The following THADA variants were observed in gnomAD, a reference collection of about 807,000 sequenced individuals.
THADA encodes the protein THADA armadillo repeat containing, also known as tRNA (32-2'-O)-methyltransferase regulator THADA.
THADA carries 213 observed loss-of-function variants against 219.8 expected under a neutral mutation model. That is an observed-to-expected ratio of 0.97 (90% confidence interval 0.87 to 1.09). THADA has a LOEUF of 1.09. Among genes scored for constraint, THADA ranks in the 50% least tolerant of loss-of-function variants. The pLI, the probability that THADA is intolerant of heterozygous loss-of-function variation, is 0.00. For missense variants in THADA, 2,956 were observed against 2,311.3 expected (o/e 1.28, Z -5.72); for synonymous variants, 1,018 against 828.9 (o/e 1.23, Z -3.92).
In THADA at chr2:43,568,977, T is replaced by C. The variant is rs891259548; in HGVS notation, c.2187+1411A>G. Among the ~76,000 whole-genome samples, 3 of 152,162 alleles carry C rather than the reference T, an allele frequency of 2.0e-5. No individual in the cohort carries two copies. The South Asian group carries it at 6.2e-4, about 32-fold the overall frequency. On this transcript the variant is annotated intron_variant, in intron 14 of 37. Transcript: ENST00000405975. The stretch of plus-strand genomic sequence containing the variant: ...AGTCACTTTTAAAATTTTTATTTAT[T>C]AATTTTTTTGAAGCAGGGTCTCGCT...
chr2:43,372,397 A>C (rs576526567), intron 29 of THADA, among the ~76,000 whole-genome samples: 2 of 152,334 alleles, frequency 1.3e-5, no homozygotes, highest in South Asian at 4.1e-4. Context: ...GAATTACACA[A>C]ATAAAACAAA....
chr2:43,344,372 T>A, intron 29 of THADA, 135 bp from the exon 30 acceptor site: 2 of 608,552 alleles, frequency 3.3e-6, no homozygotes, highest in Non-Finnish European at 5.6e-6. Context: ...TCTGGTCTCT[T>A]TGCAGAAAGG....
At chr2:43,247,427 A>G (rs1669265165) in intron 36 of THADA, among the ~76,000 whole-genome samples, 1 of 152,216 alleles carries the variant, frequency 6.6e-6, no homozygotes, top group South Asian at 2.1e-4. Flanking sequence ...AAATTGTTGA[A>G]TAAAAATAAA....
chr2:43,509,633 G>A (rs1313732070), intron 22 of THADA, among the ~76,000 whole-genome samples: 2 of 152,078 alleles, frequency 1.3e-5, no homozygotes, highest in East Asian at 3.8e-4. Context: ...GATCTCTTAG[G>A]AACATTGGGA....
intron 20 of THADA, among the ~76,000 whole-genome samples, chr2:43,548,571 G>A (rs561959957): frequency 5.9e-5 from 9 of 152,332 alleles, no homozygotes; most frequent in South Asian, 4.1e-4. Flanking sequence ...CCTGGGCAAC[G>A]GTGGGCGCCC....
intron 36 of THADA, among the ~76,000 whole-genome samples, chr2:43,245,327 C>A (rs1254597930): frequency 6.6e-6 from 1 of 151,942 alleles, no homozygotes; most frequent in Non-Finnish European, 1.5e-5. Flanking sequence ...CACATACCAC[C>A]ACGCCTGGCT....
intron 36 of THADA, among the ~76,000 whole-genome samples, chr2:43,246,269 C>T (rs373307445): frequency 1.3e-5 from 2 of 151,934 alleles, no homozygotes; most frequent in East Asian, 1.9e-4. Context: ...CTGAGGCAGG[C>T]GGATCACTTG....
Position 43,581,935 on chromosome 2 carries a change from A to C in THADA, c.534-7T>G, listed in dbSNP as rs1212851545. On this transcript the variant is annotated splice_region_variant and splice_polypyrimidine_tract_variant and intron_variant, in intron 7 of 37. Coordinates refer to ENST00000405975, the MANE Select transcript of THADA (RefSeq NM_022065.5). Reference sequence around the variant, plus strand: ...ATGATTTCCAGCACATTTTCTATAAAGAAGAAAAGACATTATTACAAAAGG... The same window carrying C: ...ATGATTTCCAGCACATTTTCTATAACGAAGAAAAGACATTATTACAAAAGG... 1 of 1,522,750 alleles carries C rather than the reference A, an allele frequency of 6.6e-7. No individual in the cohort carries two copies. The highest frequency in any genetic ancestry group is 2.4e-5 in the East Asian group (1 of 42,022). 94.3% of individuals were successfully genotyped at this position (1,522,750 alleles called of 1,614,324 possible).
chr2:43,592,069 A>G (rs545156132), intron 2 of THADA, 23 bp from the exon 3 acceptor site: 1 of 1,507,842 alleles, frequency 6.6e-7, no homozygotes, highest in Non-Finnish European at 8.9e-7. Context: ...TACAAAAAAA[A>G]ATTTTCAATG....
chr2:43,560,119 G>T, intron 16 of THADA, 115 bp downstream of exon 16: 1 of 864,882 alleles, frequency 1.2e-6, no homozygotes, highest in Non-Finnish European at 1.7e-6. Context: ...GAAAGAAACA[G>T]TCCAAAAACA....
intron 26 of THADA, among the ~76,000 whole-genome samples, chr2:43,435,476 G>A (rs1458783377): frequency 6.6e-6 from 1 of 151,148 alleles, no homozygotes; most frequent in Non-Finnish European, 1.5e-5. Flanking sequence ...AAGGAAGGGA[G>A]GGAGGGAAGG....
intron 21 of THADA, among the ~76,000 whole-genome samples, chr2:43,536,195 CGT>C (rs1694580393): frequency 6.6e-6 from 1 of 152,126 alleles, no homozygotes; most frequent in African/African-American, 2.4e-5. Context: ...TTCCCAGCAC[CGT>C]TTATTGGACA....
In THADA at chr2:43,541,208, G is replaced by A; in HGVS notation, c.3215C>T (p.Pro1072Leu). Residue 1072 changes from proline to leucine, a missense_variant, in exon 21 of 38, where the codon CCC (proline) becomes CTC (leucine). Coordinates refer to ENST00000405975, the MANE Select transcript of THADA (RefSeq NM_022065.5). ...AGAAGATTCTGGCACAGGCTGCATGGGCAGAAGCTGGCACAACATGCCTAA... is the reference window on the plus strand; with the variant it reads ...AGAAGATTCTGGCACAGGCTGCATGAGCAGAAGCTGGCACAACATGCCTAA... ...LLLGMLCQLL[P>L]MQPVPESSDG... 1.2e-6 allele frequency: 2 copies of A among 1,609,156 alleles called. No homozygotes were observed. The highest frequency in any genetic ancestry group is 1.7e-6 in the Non-Finnish European group (2 of 1,178,186).
rs371749204 is a variant in THADA at position 43,232,686 on chromosome 2, C to T, written c.5466+27G>A. ...GGTTTAGGACACTCCAACCCTGCCT[C>T]CTACTCCCCTGACACCCCGGGATCA... On this transcript the variant is annotated intron_variant, in intron 37 of 37. Transcript: ENST00000405975. The T allele has an allele frequency of 5.0e-6, 8 of 1,611,826 alleles. No individual in the cohort carries two copies. In the African/African-American group the frequency reaches 5.3e-5, roughly 11 times the overall value.
chr2:43,463,760 A>G (rs1683913383), intron 26 of THADA, among the ~76,000 whole-genome samples: 2 of 152,210 alleles, frequency 1.3e-5, no homozygotes, highest in African/African-American at 4.8e-5. Flanking sequence ...ATTCTTTTGA[A>G]TTACTAAAAG....
intron 28 of THADA, among the ~76,000 whole-genome samples, chr2:43,424,807 C>A (rs1573577230): frequency 6.6e-6 from 1 of 152,206 alleles, no homozygotes; most frequent in South Asian, 2.1e-4. Flanking sequence ...CAGGCTTCTA[C>A]TGTATCTGGC....
At chr2:43,320,609 A>C in intron 30 of THADA, 69 bp from the exon 31 acceptor site, 1 of 1,147,330 alleles carries the variant, frequency 8.7e-7, no homozygotes, top group Admixed American at 2.0e-5. Context: ...CAGGAAGGAG[A>C]ACATGGGTAT....
At chr2:43,528,885 CT>C (rs745419679) in intron 21 of THADA, among the ~76,000 whole-genome samples, 3 of 152,006 alleles carry the variant, frequency 2.0e-5, no homozygotes, top group Non-Finnish European at 4.4e-5. Context: ...TACATTCATA[CT>C]TTTGTACAAC....
At chr2:43,362,297 G>C (rs894152873) in intron 29 of THADA, among the ~76,000 whole-genome samples, 2 of 152,102 alleles carry the variant, frequency 1.3e-5, no homozygotes, top group Non-Finnish European at 2.9e-5. Flanking sequence ...TGAATTATGG[G>C]TGCATGTGTT....
Sources: allele counts gnomAD v4.1 joint callset (sites outside exome capture counted in the v4.1 genomes callset), GRCh38; gene constraint gnomAD v4.1.1; transcripts MANE v1.5; gene names NCBI Gene and HGNC (gene_info 2026-07-23, HGNC 2026-07-21).